Variants in HEPH observed in about 807,000 individuals in gnomAD.
The protein encoded by HEPH is hephaestin.
In HEPH, 69 loss-of-function variants were observed where a neutral mutation model predicts 80.8. The ratio of observed to expected loss-of-function variants is 0.85; its 90% CI spans 0.70 to 1.04. The LOEUF (loss-of-function observed/expected upper bound fraction) is 1.04. HEPH is among the 50% of genes least tolerant of loss of function. The pLI is 0.00. For missense variants in HEPH, 1,115 were observed against 891.3 expected (o/e 1.25, Z -3.20); for synonymous variants, 431 against 322.8 (o/e 1.34, Z -3.60).
Position 66,262,500 on chromosome X carries a change from T to A in HEPH, c.3200-1144T>A, listed in dbSNP as rs181751115. On this transcript the variant is annotated intron_variant, in intron 19 of 20. Transcript: ENST00000343002. ...GTGGATGAAAGTTTGAAATAGCCAC[T>A]CTGGGGGATGGGAAATAAATAATTA... is the stretch of plus-strand genomic sequence containing the variant. 6.3e-5 allele frequency among the ~76,000 whole-genome samples: 7 copies of A among 111,829 alleles called. No individual in the cohort carries two copies. The Admixed American group carries it at 6.6e-4, about 11-fold the overall frequency.
intron 20 of HEPH, among the ~76,000 whole-genome samples, chrX:66,264,653 T>C (rs1361447024): frequency 7.4e-5 from 8 of 108,791 alleles, no homozygotes; most frequent in African/African-American, 2.3e-4. Context: ...TTTGGAGAAG[T>C]CTTAATGATC....
chrX:66,194,148 G>A (rs996706294), intron 8 of HEPH, among the ~76,000 whole-genome samples: 5 of 111,542 alleles, frequency 4.5e-5, no homozygotes, highest in African/African-American at 6.5e-5. Context: ...AAGTGGTTTA[G>A]TAGCATGATG....
In HEPH at chrX:66,189,900, C is replaced by T. The variant is rs1462664282; in HGVS notation, c.1025C>T (p.Thr342Ile). The change falls in exon 6 of 21, where the codon ACC becomes ATC. Residue 342 changes from threonine to isoleucine, a missense_variant. Physicochemically the swap from Thr to Ile is moderately conservative, Grantham distance 89. Coordinates refer to ENST00000343002, the MANE Select transcript of HEPH (RefSeq NM_001367233.3). ...GAGATGGTGCCCTGGGAACCTGGTA[C>T]CTGGTTAATTAGCTGCCAAGTGAAC... ...TAEMVPWEPG[T>I]WLISCQVNSH... 1.8e-5 allele frequency: 21 copies of T among 1,191,748 alleles called. No individual in the cohort carries two copies. The highest frequency in any genetic ancestry group is 2.4e-5 in the Non-Finnish European group (21 of 885,067).
rs199531324 is a variant in HEPH at position 66,203,387 on chromosome X, G to T, written c.2101G>T (p.Ala701Ser). The part of the protein sequence containing the change: ...NLGTFEIYCQ[A>S]GSHREAGMRA... ...AGGGACATTTGAGATTTATTGCCAG[G>T]CAGGCAGCCATCGAGAAGCAGGGAT... is the stretch of plus-strand genomic sequence containing the variant. The change falls in exon 13 of 21, where the codon GCA (alanine) becomes TCA (serine). Residue 701 changes from alanine (A) to serine (S), a missense_variant. Ala to Ser is a moderately conservative substitution (Grantham distance 99, BLOSUM62 1). Coordinates refer to ENST00000343002, the MANE Select transcript of HEPH (RefSeq NM_001367233.3). The T allele has an allele frequency of 2.5e-6, 3 of 1,207,790 alleles. No individual in the cohort carries two copies. The African/African-American group carries it at 5.3e-5, about 21-fold the overall frequency.
At chrX:66,237,416 C>G (rs901208273) in intron 15 of HEPH, among the ~76,000 whole-genome samples, 1 of 111,982 alleles carries the variant, frequency 8.9e-6, no homozygotes, top group Non-Finnish European at 1.9e-5. Flanking sequence ...GCAGGTTATT[C>G]AGTTTCCATG....
chrX:66,170,621 G>A lies in HEPH; in HGVS notation c.51G>A (p.Trp17Ter). 1 of 1,210,461 alleles carries A rather than the reference G, an allele frequency of 8.3e-7. No homozygotes were observed. Among genetic ancestry groups the A allele is most frequent in the Admixed American group, 2.2e-5 (1 of 45,964 alleles). The change falls in exon 2 of 21, where the codon TGG (tryptophan) becomes TGA (stop). Residue 17 changes from tryptophan (W) to a stop codon, truncating the protein, a stop_gained. Transcript: ENST00000343002. LOFTEE classifies it high-confidence loss of function. ...LWALLFMQSL[W>*]PQLTDGATRV... ...CTCTGCTGTTCATGCAGTCCTTGTG[G>A]CCTCAACTGACTGATGGAGCCACTC...
intron 15 of HEPH, among the ~76,000 whole-genome samples, chrX:66,245,242 G>A (rs1289053266): frequency 9.0e-6 from 1 of 111,155 alleles, no homozygotes; most frequent in Non-Finnish European, 1.9e-5. Flanking sequence ...CCCATCTCAT[G>A]TGCAGAGACA....
chrX:66,254,983 T>A, intron 15 of HEPH, 52 bp from the exon 16 acceptor site: 1 of 849,533 alleles, frequency 1.2e-6, no homozygotes, highest in East Asian at 3.2e-5. Flanking sequence ...ACCTGGGAGT[T>A]GAGAGAAATT....
intron 19 of HEPH, among the ~76,000 whole-genome samples, chrX:66,261,353 A>G (rs1268415923): frequency 9.0e-6 from 1 of 111,473 alleles, no homozygotes; most frequent in Non-Finnish European, 1.9e-5. Flanking sequence ...TTTCTTTACC[A>G]GCCACTCTTT....
chrX:66,240,499 G>A (rs707301), intron 15 of HEPH, among the ~76,000 whole-genome samples: 28,860 of 102,817 alleles, frequency 0.28, 3,926 homozygotes, highest in African/African-American at 0.55. Flanking sequence ...AAAACTCAAA[G>A]CACCACAACT....
chrX:66,212,498 T>C (rs2089184689), intron 15 of HEPH, among the ~76,000 whole-genome samples: 2 of 111,754 alleles, frequency 1.8e-5, no homozygotes, highest in Admixed American at 1.9e-4. Context: ...TTGTATATGG[T>C]GAGAGATATA....
chrX:66,260,418 C>T (rs1040415245), intron 19 of HEPH, among the ~76,000 whole-genome samples, 156 bp downstream of exon 19: 1 of 111,447 alleles, frequency 9.0e-6, no homozygotes, highest in African/African-American at 3.3e-5. Context: ...ATTGCCCCAA[C>T]CAGTATTTCT....
chrX:66,263,636 C>A lies in HEPH; in HGVS notation c.3200-8C>A. On this transcript the variant is annotated splice_polypyrimidine_tract_variant and splice_region_variant and intron_variant, in intron 19 of 20. Transcript: ENST00000343002. ...GGCTAACCTCTTGTCTTTTTTCCCCCCAACCAGAACACTTAAGCCCTCTCA... is the reference window on the plus strand; with the variant it reads ...GGCTAACCTCTTGTCTTTTTTCCCCACAACCAGAACACTTAAGCCCTCTCA... 1 of 1,209,406 alleles carries A rather than the reference C, an allele frequency of 8.3e-7. No individual in the cohort carries two copies. The highest frequency in any genetic ancestry group is 2.2e-5 in the Admixed American group (1 of 45,886).
chrX:66,207,189 C>A lies in HEPH; in HGVS notation c.2292-6C>A, dbSNP rs754719390. 8.3e-7 allele frequency: 1 copy of A among 1,201,214 alleles called. No homozygotes were observed. Among genetic ancestry groups the A allele is most frequent in the Admixed American group, 2.2e-5 (1 of 45,413 alleles). On this transcript the variant is annotated splice_polypyrimidine_tract_variant and splice_region_variant and intron_variant, in intron 13 of 20. Transcript: ENST00000343002. ...GGTGCTGATAGTACTCTTTGGATTC[C>A]TCTAGTTATGGTTACATTTTCCTGA...
At chrX:66,220,613 A>C (rs1241448748) in intron 15 of HEPH, among the ~76,000 whole-genome samples, 2 of 112,172 alleles carry the variant, frequency 1.8e-5, no homozygotes, top group East Asian at 5.6e-4. Context: ...TGACAAATGT[A>C]CTTATTTTCT....
At chrX:66,247,916 G>A (rs1053815968) in intron 15 of HEPH, among the ~76,000 whole-genome samples, 2 of 111,839 alleles carry the variant, frequency 1.8e-5, no homozygotes, top group Non-Finnish European at 3.8e-5. Flanking sequence ...AAGTTCCTCA[G>A]TTATATTAGC....
chrX:66,207,470 A>G (rs1214162532), intron 14 of HEPH, 136 bp downstream of exon 14: 16 of 446,037 alleles, frequency 3.6e-5, no homozygotes, highest in Admixed American at 1.0e-4. Flanking sequence ...GGAATATTTT[A>G]TGAAACAACC....
intron 4 of HEPH, among the ~76,000 whole-genome samples, chrX:66,181,360 G>A (rs113982939): frequency 0.23 from 43 of 190 alleles, 5 homozygotes; most frequent in African/African-American, 0.33. Context: ...TCCAGCACCT[G>A]TTGTTTCCTG....
chrX:66,262,928 G>A (rs1471372901), intron 19 of HEPH, among the ~76,000 whole-genome samples: 1 of 111,368 alleles, frequency 9.0e-6, no homozygotes, highest in Non-Finnish European at 1.9e-5. Context: ...TGTGACCATG[G>A]GAGTGGTTGG....
Sources: gnomAD v4.1 joint callset for allele counts (sites outside exome capture counted in the v4.1 genomes callset) on GRCh38, gnomAD v4.1.1 for gene constraint, MANE v1.5 for transcripts, NCBI Gene and HGNC (gene_info 2026-07-23, HGNC 2026-07-21) for gene names.